The following HOATZ variants were observed in gnomAD, a reference collection of about 807,000 sequenced individuals.
HOATZ encodes cilia- and flagella-associated protein HOATZ.
HOATZ carries 26 observed loss-of-function variants against 24.9 expected under a neutral mutation model. That is an observed-to-expected ratio of 1.04 (90% CI 0.76 to 1.45). The LOEUF (loss-of-function observed/expected upper bound fraction) is 1.45, where lower values mean the gene tolerates loss of function less well. Among genes scored for constraint, HOATZ ranks in the 40% most tolerant of loss-of-function variants. HOATZ has a pLI of 0.00. For missense variants in HOATZ, 226 were observed against 201.5 expected, an observed-to-expected ratio of 1.12 and a Z score of -0.74; for synonymous variants, 83 against 76.6, an observed-to-expected ratio of 1.08 and a Z score of -0.43.
At position 111,522,054 on chromosome 11, in the gene HOATZ, T is replaced by A. The variant is rs566086188; in HGVS notation, c.339+5944T>A. The stretch of plus-strand genomic sequence containing the variant: ...TCCCATATAGACCCAGCCTCAGAGT[T>A]CCATAGGGACATTCTCCAAATGCAT... On this transcript the variant is annotated intron_variant, in intron 3 of 5. Transcript: ENST00000375618. 5.9e-5 allele frequency among the ~76,000 whole-genome samples: 9 copies of A among 152,114 alleles called. No homozygotes were observed. The East Asian group carries it at 1.3e-3, about 23-fold the overall frequency.
chr11:111,515,193 G>T (rs1867169748), intron 1 of HOATZ, 183 bp downstream of exon 1: 2 of 609,172 alleles, frequency 3.3e-6, no homozygotes, highest in East Asian at 5.5e-5. Context: ...AGGATCAGTG[G>T]TATATATGTT....
At chr11:111,522,367 A>G (rs1488622371) in intron 3 of HOATZ, among the ~76,000 whole-genome samples, 1 of 152,182 alleles carries the variant, frequency 6.6e-6, no homozygotes. Flanking sequence ...GGGCAAATCA[A>G]ATCGGGTTTA....
chr11:111,528,171 A>AG (rs1867359215), intron 3 of HOATZ, among the ~76,000 whole-genome samples: 1 of 151,428 alleles, frequency 6.6e-6, no homozygotes, highest in African/African-American at 2.4e-5. Context: ...AAAAAAAAAA[A>AG]ATCGTTTTTT....
At chr11:111,517,768 G>T (rs911033343) in intron 3 of HOATZ, among the ~76,000 whole-genome samples, 1 of 152,184 alleles carries the variant, frequency 6.6e-6, no homozygotes, top group Non-Finnish European at 1.5e-5. Context: ...TCCCAAAGGT[G>T]CTGGGTTTTA....
intron 3 of HOATZ, among the ~76,000 whole-genome samples, chr11:111,527,395 T>C (rs17585834): frequency 0.066 from 9,981 of 152,272 alleles, 429 homozygotes; most frequent in Middle Eastern, 0.17. Context: ...GAAAAGTGTA[T>C]ATGTCAGACC....
intron 3 of HOATZ, among the ~76,000 whole-genome samples, chr11:111,532,385 T>C (rs967118579): frequency 4.6e-5 from 7 of 152,178 alleles, no homozygotes; most frequent in Non-Finnish European, 8.8e-5. Context: ...TCTTTGCAGA[T>C]GAAATTAGTT....
In HOATZ at chr11:111,519,589, G is replaced by A. The variant is rs113093057; in HGVS notation, c.339+3479G>A. Among the ~76,000 whole-genome samples, 944 of 152,150 alleles carry A rather than the reference G, an allele frequency of 6.2e-3. 10 individuals carry two copies. The highest frequency in any genetic ancestry group is 0.01 in the Admixed American group (155 of 15,266). On this transcript the variant is annotated intron_variant, in intron 3 of 5. Transcript: ENST00000375618. The stretch of plus-strand genomic sequence containing the variant: ...TGGATACCACTTTTTTTCCTAAATC[G>A]ATAATGTTGTCTCTGCATTGCTGCC...
In HOATZ at chr11:111,515,509, A is replaced by G; in HGVS notation, c.227-2A>G. 6.2e-7 allele frequency: 1 copy of G among 1,612,970 alleles called. No individual in the cohort carries two copies. Among genetic ancestry groups the G allele is most frequent in the Non-Finnish European group, 8.5e-7 (1 of 1,179,006 alleles). Reference sequence around the variant, plus strand: ...TCTTTACTTCCCTTTTGTATTTTTTAGAAAACAGCCACTCCTCGCAGTCTT... The same window carrying G: ...TCTTTACTTCCCTTTTGTATTTTTTGGAAAACAGCCACTCCTCGCAGTCTT... On this transcript the variant is annotated splice_acceptor_variant, in intron 1 of 5. Transcript: ENST00000375618. LOFTEE classifies it high-confidence loss of function.
chr11:111,531,000 A>G (rs937712550), intron 3 of HOATZ, among the ~76,000 whole-genome samples: 1 of 152,234 alleles, frequency 6.6e-6, no homozygotes, highest in Non-Finnish European at 1.5e-5. Flanking sequence ...AAAGTCCTTT[A>G]TAATAAAAAA....
chr11:111,526,243 C>T (rs186559681), intron 3 of HOATZ, among the ~76,000 whole-genome samples: 1 of 152,280 alleles, frequency 6.6e-6, no homozygotes, highest in East Asian at 1.9e-4. Context: ...TAAGAAGCTA[C>T]TGAAGGGTTT....
chr11:111,516,595 T>C (rs1050078758), intron 3 of HOATZ, among the ~76,000 whole-genome samples: 3 of 152,098 alleles, frequency 2.0e-5, no homozygotes, highest in African/African-American at 7.2e-5. Context: ...TGCATACCTG[T>C]AGTCTGAGCT....
chr11:111,531,234 G>GT (rs1411006003), intron 3 of HOATZ, among the ~76,000 whole-genome samples: 1 of 152,142 alleles, frequency 6.6e-6, no homozygotes, highest in East Asian at 1.9e-4. Context: ...AAAACTTTTT[G>GT]TTTTTTGCTT....
intron 3 of HOATZ, among the ~76,000 whole-genome samples, chr11:111,521,085 T>C (rs1178979702): frequency 6.6e-6 from 1 of 152,204 alleles, no homozygotes; most frequent in Non-Finnish European, 1.5e-5. Flanking sequence ...TGCAGCCATT[T>C]TGAACCACTT....
intron 3 of HOATZ, chr11:111,524,893 A>T (rs542702652): frequency 1.6e-4 from 72 of 447,666 alleles, no homozygotes; most frequent in Non-Finnish European, 2.6e-4. Flanking sequence ...ACAAGGTCTC[A>T]CTCTGTCACC....
At chr11:111,533,582 A>T (rs773589211) in intron 3 of HOATZ, among the ~76,000 whole-genome samples, 164 bp from the exon 4 acceptor site, 4 of 152,206 alleles carry the variant, frequency 2.6e-5, no homozygotes, top group Non-Finnish European at 4.4e-5. Flanking sequence ...ATTATCTTGA[A>T]TAAAAACAGG....
At chr11:111,527,114 A>G (rs1867348077) in intron 3 of HOATZ, among the ~76,000 whole-genome samples, 1 of 152,248 alleles carries the variant, frequency 6.6e-6, no homozygotes, top group African/African-American at 2.4e-5. Context: ...GCAATATTAA[A>G]GCAGTTTTTT....
At chr11:111,518,894 G>C in intron 3 of HOATZ, 1 of 365,670 alleles carries the variant, frequency 2.7e-6, no homozygotes, top group South Asian at 2.2e-5. Context: ...CTAGCAGAAT[G>C]AATAGATCTC....
At chr11:111,518,235 G>A (rs1254913262) in intron 3 of HOATZ, among the ~76,000 whole-genome samples, 1 of 152,184 alleles carries the variant, frequency 6.6e-6, no homozygotes, top group African/African-American at 2.4e-5. Flanking sequence ...TAACAAAACA[G>A]TAAGGCAGTG....
chr11:111,536,755 T>C lies in HOATZ; in HGVS notation c.453-15T>C, dbSNP rs763093889. On this transcript the variant is annotated splice_polypyrimidine_tract_variant and intron_variant, in intron 5 of 5. Coordinates refer to ENST00000375618, the MANE Select transcript of HOATZ (RefSeq NM_001100388.2). ...AGTTCTGTGTATTGGAACTGACTGA[T>C]ATTACTACCAACAGGAAAGTGGTAT... The C allele has an allele frequency of 5.6e-6, 9 of 1,605,518 alleles. No individual in the cohort carries two copies. The South Asian group carries it at 8.8e-5, about 16-fold the overall frequency.
Sources: gnomAD v4.1 joint callset for allele counts (sites outside exome capture counted in the v4.1 genomes callset) on GRCh38, gnomAD v4.1.1 for gene constraint, MANE v1.5 for transcripts, NCBI Gene and HGNC (gene_info 2026-07-23, HGNC 2026-07-21) for gene names.